Variants in STXBP5L observed in about 807,000 individuals in gnomAD.
The protein encoded by STXBP5L is syntaxin binding protein 5L.
Under a neutral mutation model 144.5 loss-of-function variants are expected in STXBP5L, and 65 were observed. The ratio of observed to expected loss-of-function variants is 0.45; its 90% CI spans 0.37 to 0.55. The LOEUF (loss-of-function observed/expected upper bound fraction) is 0.55, where lower values mean the gene tolerates loss of function less well. STXBP5L is among the 20% of genes least tolerant of loss of function. The pLI is 0.00. For missense variants in STXBP5L, 1,298 were observed against 1,405.5 expected (o/e 0.92, Z 1.22); for synonymous variants, 505 against 469.6 (o/e 1.08, Z -0.97).
chr3:121,337,940 T>C (rs1191001047), intron 20 of STXBP5L, among the ~76,000 whole-genome samples: 1 of 152,150 alleles, frequency 6.6e-6, no homozygotes, highest in Non-Finnish European at 1.5e-5. Flanking sequence ...AAAATTAATC[T>C]GCTCCTGGAT....
In STXBP5L at chr3:121,381,292, G is replaced by T; in HGVS notation, c.2348-1G>T. On this transcript the variant is annotated splice_acceptor_variant, in intron 21 of 26. Transcript: ENST00000471454. LOFTEE classifies it high-confidence loss of function. ...TGGTTTTTTTTTATTTATTTCCATA[G>T]AAAACCGAGAAAATTCCTATAATCG... is the stretch of plus-strand genomic sequence containing the variant. 1.3e-6 allele frequency: 2 copies of T among 1,577,180 alleles called. No individual in the cohort carries two copies. The highest frequency in any genetic ancestry group is 1.4e-5 in the African/African-American group (1 of 72,300).
At chr3:121,228,370 C>G (rs1308904026) in intron 11 of STXBP5L, among the ~76,000 whole-genome samples, 1 of 152,082 alleles carries the variant, frequency 6.6e-6, no homozygotes, top group Non-Finnish European at 1.5e-5. Flanking sequence ...ATAATTCAGA[C>G]ACATAAAGAA....
At chr3:121,039,063 G>A (rs911242834) in intron 3 of STXBP5L, among the ~76,000 whole-genome samples, 7 of 151,816 alleles carry the variant, frequency 4.6e-5, no homozygotes, top group Non-Finnish European at 8.8e-5. Flanking sequence ...CACAATCACT[G>A]CATTTTAAAT....
At chr3:121,293,294 AT>A (rs2051516784) in intron 19 of STXBP5L, among the ~76,000 whole-genome samples, 1 of 152,148 alleles carries the variant, frequency 6.6e-6, no homozygotes, top group Non-Finnish European at 1.5e-5. Flanking sequence ...CAGAAAGCAG[AT>A]TAGTAATTGC....
At chr3:121,264,010 C>T (rs2050470928) in intron 18 of STXBP5L, among the ~76,000 whole-genome samples, 2 of 152,142 alleles carry the variant, frequency 1.3e-5, no homozygotes, top group South Asian at 4.1e-4. Flanking sequence ...ACATACTTGT[C>T]AGATTCACCA....
At chr3:121,152,680 G>T in intron 8 of STXBP5L, 120 bp downstream of exon 8, 1 of 613,306 alleles carries the variant, frequency 1.6e-6, no homozygotes. Flanking sequence ...TTCTGACCCA[G>T]TGCTTCACAC....
intron 19 of STXBP5L, among the ~76,000 whole-genome samples, chr3:121,297,239 T>TGTGTGTGTGTGA (rs201815813): frequency 7.0e-6 from 1 of 143,384 alleles, no homozygotes; most frequent in Non-Finnish European, 1.5e-5. Flanking sequence ...TGTGTGTGTG[T>TGTGTGTGTGTGA]GATATTCCTG....
At chr3:120,953,406 G>A (rs537415599) in intron 2 of STXBP5L, among the ~76,000 whole-genome samples, 26 of 143,804 alleles carry the variant, frequency 1.8e-4, no homozygotes, top group African/African-American at 5.2e-4. Flanking sequence ...ATGGCTCACT[G>A]CAGCTTCAAC....
intron 8 of STXBP5L, among the ~76,000 whole-genome samples, chr3:121,154,615 A>G (rs2046051034): frequency 6.6e-6 from 1 of 151,564 alleles, no homozygotes; most frequent in South Asian, 2.1e-4. Flanking sequence ...TCTCTAATTT[A>G]TACTTTCTAG....
intron 20 of STXBP5L, among the ~76,000 whole-genome samples, chr3:121,340,474 T>C (rs1576217946): frequency 6.6e-6 from 1 of 151,872 alleles, no homozygotes; most frequent in Non-Finnish European, 1.5e-5. Flanking sequence ...AATGCTATCC[T>C]TCCCCCAGCC....
chr3:121,359,311 T>C (rs554883944), intron 20 of STXBP5L, among the ~76,000 whole-genome samples: 2 of 152,312 alleles, frequency 1.3e-5, no homozygotes, highest in South Asian at 4.1e-4. Context: ...ATTAGATTTT[T>C]TTCATATAGA....
intron 5 of STXBP5L, among the ~76,000 whole-genome samples, chr3:121,080,082 C>G (rs1196221396): frequency 2.0e-5 from 3 of 152,016 alleles, no homozygotes; most frequent in Non-Finnish European, 4.4e-5. Context: ...TAATGTCCTT[C>G]TTTGTCTTTT....
chr3:120,986,008 T>G (rs1459230754), intron 3 of STXBP5L, among the ~76,000 whole-genome samples: 1 of 150,760 alleles, frequency 6.6e-6, no homozygotes, highest in Non-Finnish European at 1.5e-5. Flanking sequence ...ATAAAGTTAT[T>G]TGTTTGAGAC....
intron 3 of STXBP5L, among the ~76,000 whole-genome samples, chr3:120,965,430 A>G (rs1217900720): frequency 6.6e-6 from 1 of 152,004 alleles, no homozygotes; most frequent in East Asian, 1.9e-4. Flanking sequence ...GTTTCTTTCT[A>G]TGTTTAGTGC....
intron 22 of STXBP5L, among the ~76,000 whole-genome samples, chr3:121,397,724 T>C (rs1205460225): frequency 6.6e-6 from 1 of 152,208 alleles, no homozygotes; most frequent in African/African-American, 2.4e-5. Flanking sequence ...GTGCTCCCCA[T>C]TGCTGTAATA....
chr3:121,355,288 A>G (rs891337230), intron 20 of STXBP5L, among the ~76,000 whole-genome samples: 1 of 152,172 alleles, frequency 6.6e-6, no homozygotes, highest in Non-Finnish European at 1.5e-5. Context: ...GTGTTTTCCA[A>G]CTTGGTTCCA....
intron 5 of STXBP5L, among the ~76,000 whole-genome samples, chr3:121,095,340 T>C (rs891707806): frequency 3.9e-5 from 6 of 152,216 alleles, no homozygotes; most frequent in Non-Finnish European, 7.3e-5. Context: ...CCTGTCCTTC[T>C]AGGTTGGGGA....
chr3:120,940,952 T>C (rs1451982646), intron 2 of STXBP5L, among the ~76,000 whole-genome samples: 1 of 151,718 alleles, frequency 6.6e-6, no homozygotes, highest in Non-Finnish European at 1.5e-5. Context: ...GTATGAGAGA[T>C]GATGAGATAG....
intron 22 of STXBP5L, among the ~76,000 whole-genome samples, chr3:121,402,846 T>C (rs2046912933): frequency 6.6e-6 from 1 of 152,116 alleles, no homozygotes; most frequent in African/African-American, 2.4e-5. Context: ...TTTGTTTTGG[T>C]ATAGATGAGG....
Sources: allele counts gnomAD v4.1 joint callset (sites outside exome capture counted in the v4.1 genomes callset), GRCh38; gene constraint gnomAD v4.1.1; transcripts MANE v1.5; gene names NCBI Gene and HGNC (gene_info 2026-07-23, HGNC 2026-07-21).